Variants in ATP2B2 observed in about 807,000 individuals in gnomAD.
ATP2B2 encodes the protein plasma membrane calcium-transporting ATPase 2.
Under a neutral mutation model 120.0 loss-of-function variants are expected in ATP2B2, and 15 were observed. The ratio of observed to expected loss-of-function variants is 0.12; its 90% CI spans 0.08 to 0.19. ATP2B2 has a LOEUF of 0.19. Among genes scored for constraint, ATP2B2 ranks in the 10% least tolerant of loss-of-function variants. The pLI, the probability that ATP2B2 is intolerant of heterozygous loss-of-function variation, is 1.00. For missense variants in ATP2B2, 1,045 were observed against 1,719.8 expected (o/e 0.61, Z 6.94); for synonymous variants, 694 against 700.3 (o/e 0.99, Z 0.14).
chr3:10,509,677 C>T (rs922235999), upstream of ATP2B2, among the ~76,000 whole-genome samples: 3 of 152,182 alleles, frequency 2.0e-5, no homozygotes, highest in South Asian at 2.1e-4. Flanking sequence ...CTTGACGGGC[C>T]GTGGACTGTG....
At chr3:10,418,915 G>A (rs2062879702) in intron 2 of ATP2B2, among the ~76,000 whole-genome samples, 2 of 152,228 alleles carry the variant, frequency 1.3e-5, no homozygotes, top group Admixed American at 6.5e-5. Flanking sequence ...GTGGGGGGCT[G>A]GGAGCTGGGC....
chr3:10,412,999 T>C (rs2062663032), intron 2 of ATP2B2, among the ~76,000 whole-genome samples: 1 of 152,210 alleles, frequency 6.6e-6, no homozygotes, highest in Non-Finnish European at 1.5e-5. Context: ...AGCAGCACAC[T>C]GGGGTTGCAG....
chr3:10,514,622 C>T (rs1467771296), intron 3 of ATP2B2, among the ~76,000 whole-genome samples: 1 of 152,198 alleles, frequency 6.6e-6, no homozygotes, highest in Non-Finnish European at 1.5e-5. Flanking sequence ...CACACTGCAG[C>T]CAGGCCAGGG....
intron 1 of ATP2B2, among the ~76,000 whole-genome samples, chr3:10,663,507 T>C (rs2070843212): frequency 6.6e-6 from 1 of 152,100 alleles, no homozygotes; most frequent in African/African-American, 2.4e-5. Context: ...ATTTCAGCAG[T>C]GGTCCAGCCC....
chr3:10,554,929 C>T (rs1289282339), intron 2 of ATP2B2, among the ~76,000 whole-genome samples: 1 of 152,214 alleles, frequency 6.6e-6, no homozygotes, highest in East Asian at 1.9e-4. Context: ...GGAGTTGGAA[C>T]TTCTAGGCCC....
At chr3:10,415,892 G>T (rs1263454380) in intron 2 of ATP2B2, among the ~76,000 whole-genome samples, 13 of 152,190 alleles carry the variant, frequency 8.5e-5, no homozygotes, top group Admixed American at 8.5e-4. Flanking sequence ...GTAATTATAA[G>T]CAGAGGTCAG....
At chr3:10,401,760 T>C (rs1373097163) in intron 4 of ATP2B2, among the ~76,000 whole-genome samples, 2 of 152,170 alleles carry the variant, frequency 1.3e-5, no homozygotes, top group African/African-American at 4.8e-5. Flanking sequence ...GTATTAGTGA[T>C]TGTTGGAGTG....
At chr3:10,550,657 G>A (rs2067649302) in intron 2 of ATP2B2, among the ~76,000 whole-genome samples, 1 of 152,158 alleles carries the variant, frequency 6.6e-6, no homozygotes, top group South Asian at 2.1e-4. Context: ...CGGGAACCCT[G>A]TCAAGTCTTA....
chr3:10,421,232 C>T (rs529923066), intron 2 of ATP2B2, among the ~76,000 whole-genome samples: 4 of 152,342 alleles, frequency 2.6e-5, no homozygotes, highest in Admixed American at 1.3e-4. Context: ...GCCAACAACC[C>T]TGAGACATGG....
chr3:10,540,907 T>A (rs961063993), intron 2 of ATP2B2, among the ~76,000 whole-genome samples: 2 of 151,816 alleles, frequency 1.3e-5, no homozygotes, highest in African/African-American at 4.8e-5. Context: ...ATTTTTTTTT[T>A]AGGAAATTTA....
intron 1 of ATP2B2, among the ~76,000 whole-genome samples, chr3:10,688,205 A>T (rs1396147543): frequency 6.6e-6 from 1 of 152,130 alleles, no homozygotes; most frequent in Non-Finnish European, 1.5e-5. Context: ...AAGGTTCCTA[A>T]GAATGCCCAG....
At position 10,345,364 on chromosome 3, in the gene ATP2B2, G is replaced by A. The variant is rs756167133; in HGVS notation, c.2703+20C>T. ...TCTCCGCCCTCCCCCAGGCTTTGGT[G>A]TGGTCTCCTGCGGACCCACCTGCGT... On this transcript the variant is annotated intron_variant, in intron 18 of 22. Coordinates refer to ENST00000360273, the MANE Select transcript of ATP2B2 (RefSeq NM_001001331.4). 9 of 1,613,738 alleles carry A rather than the reference G, an allele frequency of 5.6e-6. No homozygotes were observed. In the African/African-American group the frequency reaches 1.1e-4, roughly 19 times the overall value.
intron 1 of ATP2B2, among the ~76,000 whole-genome samples, chr3:10,631,114 T>C (rs2069853096): frequency 6.6e-6 from 1 of 152,244 alleles, no homozygotes; most frequent in Non-Finnish European, 1.5e-5. Flanking sequence ...TTTCAATTTC[T>C]TTATCTGTAA....
At chr3:10,354,846 G>A (rs987682208) in intron 14 of ATP2B2, among the ~76,000 whole-genome samples, 1 of 152,222 alleles carries the variant, frequency 6.6e-6, no homozygotes, top group Non-Finnish European at 1.5e-5. Flanking sequence ...CTCTGGCTGA[G>A]CCTCCTAGGC....
chr3:10,353,899 GCA>G (rs2060643178), intron 14 of ATP2B2, among the ~76,000 whole-genome samples: 1 of 152,130 alleles, frequency 6.6e-6, no homozygotes, highest in African/African-American at 2.4e-5. Context: ...CCACCCTTCA[GCA>G]AGGCTGGGAG....
At position 10,555,667 on chromosome 3, in the gene ATP2B2, A is replaced by G. The variant is rs1265331047; in HGVS notation, c.-414-21534T>C. Among the ~76,000 whole-genome samples the G allele has an allele frequency of 2.0e-5, 3 of 152,320 alleles. No individual in the cohort carries two copies. In the East Asian group the frequency reaches 5.8e-4, roughly 29 times the overall value. Reference sequence around the variant, plus strand: ...TGAGCTTTGTCTCTTCCCCTGTTGAATGGGAGGAATAGCAGCACCTCCATT... The same window carrying G: ...TGAGCTTTGTCTCTTCCCCTGTTGAGTGGGAGGAATAGCAGCACCTCCATT... On this transcript the variant is annotated intron_variant, in intron 2 of 21. Coordinates refer to the ATP2B2 transcript ENST00000646379.
intron 2 of ATP2B2, among the ~76,000 whole-genome samples, chr3:10,547,188 T>C (rs953622178): frequency 6.1e-4 from 92 of 150,864 alleles, no homozygotes; most frequent in African/African-American, 2.2e-3. Flanking sequence ...CAGCTCACAG[T>C]AGATGTAGGA....
rs1324946268 is a variant in ATP2B2, at chr3:10,343,403, C to T, written c.2704-438G>A. Among the ~76,000 whole-genome samples, 1 of 151,472 alleles carries T rather than the reference C, an allele frequency of 6.6e-6. No homozygotes were observed. Among genetic ancestry groups the T allele is most frequent in the Non-Finnish European group, 1.5e-5 (1 of 67,810 alleles). ...CCTACAAACAGTGCCCGTCCCCCACCCCCCCAATGTCTCCTCCCCTCTTAT... is the reference window on the plus strand; with the variant it reads ...CCTACAAACAGTGCCCGTCCCCCACTCCCCCAATGTCTCCTCCCCTCTTAT... On this transcript the variant is annotated intron_variant, in intron 18 of 22. Transcript: ENST00000360273. This position sits in a 1 kb window ranked among gnomAD's most constrained non-coding sequence, Gnocchi z 4.2.
chr3:10,443,244 C>A (rs1196894706), intron 2 of ATP2B2, among the ~76,000 whole-genome samples: 1 of 152,200 alleles, frequency 6.6e-6, no homozygotes, highest in Admixed American at 6.5e-5. Flanking sequence ...CCTTTCTGAT[C>A]TTCCTCCCCA....
Sources: gnomAD v4.1 joint callset for allele counts (sites outside exome capture counted in the v4.1 genomes callset) on GRCh38, gnomAD v4.1.1 for gene constraint, Gnocchi (gnomAD v3.1) non-coding constraint, MANE v1.5 for transcripts, NCBI Gene and HGNC (gene_info 2026-07-23, HGNC 2026-07-21) for gene names.